Variants in FASTKD2 observed in about 807,000 individuals in gnomAD.
FASTKD2 encodes the protein FAST kinase domain-containing protein 2, mitochondrial.
FASTKD2 carries 51 observed loss-of-function variants against 63.6 expected under a neutral mutation model. That is an observed-to-expected ratio of 0.80 (90% CI 0.64 to 1.01). FASTKD2 has a LOEUF of 1.01. FASTKD2 is among the 50% of genes least tolerant of loss of function. The pLI is 0.00. For missense variants in FASTKD2, 786 were observed against 831.1 expected (o/e 0.95, Z 0.67); for synonymous variants, 284 against 293.4 (o/e 0.97, Z 0.33).
intron 6 of FASTKD2, 117 bp from the exon 7 acceptor site, chr2:206,774,108 G>T (rs1477019157): frequency 3.0e-6 from 2 of 676,402 alleles, no homozygotes; most frequent in Non-Finnish European, 5.2e-6. Flanking sequence ...TCTGTTTCAG[G>T]ATATATTCTG....
intron 7 of FASTKD2, among the ~76,000 whole-genome samples, chr2:206,774,996 C>G (rs147274379): frequency 6.6e-6 from 1 of 151,934 alleles, no homozygotes. Flanking sequence ...TGGAGTCATG[C>G]GGTATTTGTC....
At chr2:206,783,075 T>A (rs1690035637) in intron 7 of FASTKD2, among the ~76,000 whole-genome samples, 1 of 151,988 alleles carries the variant, frequency 6.6e-6, no homozygotes, top group Non-Finnish European at 1.5e-5. Flanking sequence ...ATTGACTGAG[T>A]TTGAGTCAAA....
In FASTKD2 at chr2:206,794,123, TACAC is replaced by T. The variant is rs10655467; in HGVS notation, c.*2333_*2336del. On this transcript the variant is annotated 3_prime_UTR_variant, in exon 12 of 12. Coordinates refer to ENST00000402774, the MANE Select transcript of FASTKD2 (RefSeq NM_001136193.2). Reference sequence around the variant, plus strand: ...ACCGTTAGGTCAGTTTTGACGTACATACACACACACACACATCTGTGAAACCACA... The same window carrying T: ...ACCGTTAGGTCAGTTTTGACGTACATACACACACACATCTGTGAAACCACA... Among the ~76,000 whole-genome samples, 13 of 151,530 alleles carry T rather than the reference TACAC, an allele frequency of 8.6e-5. 1 individual carries two copies. The South Asian group carries it at 2.7e-3, about 32-fold the overall frequency.
chr2:206,786,153 C>T (rs1690132367), intron 7 of FASTKD2, among the ~76,000 whole-genome samples: 1 of 152,186 alleles, frequency 6.6e-6, no homozygotes, highest in Non-Finnish European at 1.5e-5. Flanking sequence ...AGTGGTGTCA[C>T]TCTGGGCAAG....
At chr2:206,790,414 T>C (rs1690251546) in intron 10 of FASTKD2, 158 bp from the exon 11 acceptor site, 1 of 648,992 alleles carries the variant, frequency 1.5e-6, no homozygotes, top group Non-Finnish European at 2.8e-6. Context: ...GTGGAATATC[T>C]GCAGAGGCCA....
At chr2:206,784,725 A>G (rs1690090987) in intron 7 of FASTKD2, among the ~76,000 whole-genome samples, 1 of 151,916 alleles carries the variant, frequency 6.6e-6, no homozygotes, top group South Asian at 2.1e-4. Flanking sequence ...GAAGTCAGCT[A>G]TTTTTCTTGA....
In FASTKD2 at chr2:206,766,764, T is replaced by G. The variant is rs1040247354; in HGVS notation, c.71T>G (p.Phe24Cys). The G allele has an allele frequency of 6.2e-7, 1 of 1,614,000 alleles. No individual in the cohort carries two copies. The highest frequency in any genetic ancestry group is 1.3e-5 in the African/African-American group (1 of 75,056). The change falls in exon 2 of 12, where the codon TTT (phenylalanine) becomes TGT (cysteine). Residue 24 changes from phenylalanine to cysteine, a missense_variant. Physicochemically the swap from Phe to Cys is radical, Grantham distance 205 (BLOSUM62 -2). Coordinates refer to ENST00000402774, the MANE Select transcript of FASTKD2 (RefSeq NM_001136193.2). Reference sequence around the variant, plus strand: ...AAAATGAATAACAAAGCGGGCTCCTTTTTCTGGAACCTTAGACAATTCAGT... The same window carrying G: ...AAAATGAATAACAAAGCGGGCTCCTGTTTCTGGAACCTTAGACAATTCAGT... ...ESKMNNKAGSFFWNLRQFSTL... is the reference protein window; with the variant it reads ...ESKMNNKAGSCFWNLRQFSTL...
At chr2:206,777,919 T>G (rs544460652) in intron 7 of FASTKD2, among the ~76,000 whole-genome samples, 1 of 152,324 alleles carries the variant, frequency 6.6e-6, no homozygotes, top group East Asian at 1.9e-4. Flanking sequence ...TCTTCTTGAT[T>G]ATCCAATTTG....
chr2:206,771,782 A>T (rs1689689393), intron 4 of FASTKD2, 112 bp from the exon 5 acceptor site: 2 of 788,556 alleles, frequency 2.5e-6, no homozygotes, highest in South Asian at 3.2e-5. Flanking sequence ...TGAGCCTGGG[A>T]GGTTGAGGCT....
chr2:206,767,660 T>C (rs918897279), intron 2 of FASTKD2, among the ~76,000 whole-genome samples, 190 bp downstream of exon 2: 3 of 152,200 alleles, frequency 2.0e-5, no homozygotes, highest in African/African-American at 7.2e-5. Flanking sequence ...CCTTTTGCTA[T>C]GGAAATTTAT....
rs142234637 is a variant in FASTKD2, at chr2:206,780,134, C to T, written c.1427+5737C>T. Among the ~76,000 whole-genome samples the T allele has an allele frequency of 3.7e-3, 562 of 152,234 alleles. 6 individuals are homozygous for T. The highest frequency in any genetic ancestry group is 1.2e-3 in the South Asian group (6 of 4,820). On this transcript the variant is annotated intron_variant, in intron 7 of 11. Transcript: ENST00000402774. ...CTTGATAGTTTTTTTAACATTTATA[C>T]TAGAACTAAAGCACACCACTATTAC...
Position 206,768,116 on chromosome 2 carries a change from G to A in FASTKD2, c.777+646G>A, listed in dbSNP as rs184283373. Among the ~76,000 whole-genome samples, 349 of 152,286 alleles carry A rather than the reference G, an allele frequency of 2.3e-3. 2 individuals are homozygous for A. The highest frequency in any genetic ancestry group is 7.9e-3 in the African/African-American group (328 of 41,568). Reference sequence around the variant, plus strand: ...AACCAAATCATAAAGAGCCTCTTACGGCTAGCTAAGGAGTATGCATTTATC... The same window carrying A: ...AACCAAATCATAAAGAGCCTCTTACAGCTAGCTAAGGAGTATGCATTTATC... On this transcript the variant is annotated intron_variant, in intron 2 of 11. Transcript: ENST00000402774.
Position 206,770,139 on chromosome 2 carries a change from G to A in FASTKD2, c.826G>A (p.Val276Ile), listed in dbSNP as rs1689630246. ...DEICLSVLSTVLEAMEPCKNV... is the reference protein window; with the variant it reads ...DEICLSVLSTILEAMEPCKNV... ...GATATGCCTTTCAGTTTTGTCAACT[G>A]TTTTAGAGGCAATGGAACCATGCAA... Residue 276 changes from valine to isoleucine, a missense_variant, in exon 3 of 12, where the codon GTT (valine) becomes ATT (isoleucine). Val to Ile is a conservative substitution (Grantham distance 29). Transcript: ENST00000402774. 1 of 1,612,584 alleles carries A rather than the reference G, an allele frequency of 6.2e-7. No homozygotes were observed. Among genetic ancestry groups the A allele is most frequent in the Non-Finnish European group, 8.5e-7 (1 of 1,178,722 alleles).
chr2:206,772,420 A>C, intron 6 of FASTKD2, 100 bp downstream of exon 6: 1 of 1,166,306 alleles, frequency 8.6e-7, no homozygotes, highest in Admixed American at 2.0e-5. Flanking sequence ...AGTAGTTAAG[A>C]TACCAAAATA....
chr2:206,773,594 G>A (rs555450436), intron 6 of FASTKD2, among the ~76,000 whole-genome samples: 5 of 152,274 alleles, frequency 3.3e-5, no homozygotes, highest in Non-Finnish European at 2.9e-5. Flanking sequence ...GGTGATAACT[G>A]TTAGATCTCT....
chr2:206,787,170 T>A (rs1379140074), intron 8 of FASTKD2, among the ~76,000 whole-genome samples: 1 of 152,214 alleles, frequency 6.6e-6, no homozygotes, highest in African/African-American at 2.4e-5. Context: ...TATCCTTCTA[T>A]ACAAAGGCTA....
At chr2:206,791,507 T>C (rs1690284605) in intron 11 of FASTKD2, 176 bp from the exon 12 acceptor site, 1 of 615,768 alleles carries the variant, frequency 1.6e-6, no homozygotes, top group Non-Finnish European at 2.8e-6. Flanking sequence ...AGTTAAAGCT[T>C]TCTTAAACCC....
chr2:206,787,806 A>G (rs748272328), intron 8 of FASTKD2, 131 bp from the exon 9 acceptor site: 12 of 394,540 alleles, frequency 3.0e-5, no homozygotes, highest in Non-Finnish European at 4.4e-5. Context: ...TAAGAAAGAG[A>G]TAATTAGAAA....
intron 7 of FASTKD2, among the ~76,000 whole-genome samples, chr2:206,784,306 A>AC (rs1690076541): frequency 6.6e-6 from 1 of 152,258 alleles, no homozygotes; most frequent in Admixed American, 6.5e-5. Context: ...GAAGATGGCA[A>AC]CTTATCTGGA....
Sources: gnomAD v4.1 joint callset for allele counts (sites outside exome capture counted in the v4.1 genomes callset) on GRCh38, gnomAD v4.1.1 for gene constraint, MANE v1.5 for transcripts, NCBI Gene and HGNC (gene_info 2026-07-23, HGNC 2026-07-21) for gene names.